The following CUL3 variants were observed in gnomAD, a reference collection of about 807,000 sequenced individuals.
The protein encoded by CUL3 is cullin 3, also known as cullin-3.
A neutral mutation model predicts 89.1 loss-of-function variants in CUL3; 19 were observed. That is an observed-to-expected ratio of 0.21 (90% CI 0.15 to 0.31). The LOEUF is 0.31. CUL3 is among the 10% of genes least tolerant of loss of function. The pLI is 1.00. For missense variants in CUL3, 469 were observed against 942.3 expected (o/e 0.50, Z 6.58); for synonymous variants, 351 against 308.4 (o/e 1.14, Z -1.45).
At chr2:224,566,893 G>T (rs1695052393) in intron 1 of CUL3, among the ~76,000 whole-genome samples, 1 of 152,184 alleles carries the variant, frequency 6.6e-6, no homozygotes, top group Non-Finnish European at 1.5e-5. Context: ...CACAGGTGTA[G>T]CGATGGCTTC....
At chr2:224,527,261 A>G (rs1268139707) in intron 3 of CUL3, among the ~76,000 whole-genome samples, 1 of 152,246 alleles carries the variant, frequency 6.6e-6, no homozygotes, top group Non-Finnish European at 1.5e-5. Flanking sequence ...CTTTTCCAGA[A>G]TATAGTTATT....
intron 15 of CUL3, among the ~76,000 whole-genome samples, chr2:224,475,357 T>C (rs936395839): frequency 1.3e-5 from 2 of 152,178 alleles, no homozygotes; most frequent in African/African-American, 4.8e-5. Flanking sequence ...TTGTCTCATT[T>C]TACAAACGAG....
At chr2:224,505,446 G>A (rs1692562626) in intron 8 of CUL3, among the ~76,000 whole-genome samples, 2 of 151,852 alleles carry the variant, frequency 1.3e-5, no homozygotes, top group African/African-American at 4.8e-5. Context: ...CAGTTGTTCA[G>A]TTTTTTTGAG....
At position 224,513,788 on chromosome 2, in the gene CUL3, A is replaced by C. The variant is rs563488988; in HGVS notation, c.540-150T>G. The C allele has an allele frequency of 7.9e-4, 445 of 566,298 alleles. 4 individuals are homozygous for C. Among genetic ancestry groups the C allele is most frequent in the African/African-American group, 6.0e-3 (311 of 51,598 alleles). 35.1% of individuals were successfully genotyped at this position (566,298 alleles called of 1,614,324 possible). ...CAATAGGCCACTCATGTAAAACGAA[A>C]GGATTTAGCCTAATTTTAAGTTGGA... On this transcript the variant is annotated intron_variant, in intron 4 of 15. Transcript: ENST00000264414.
intron 2 of CUL3, among the ~76,000 whole-genome samples, chr2:224,553,044 T>C (rs1453696466): frequency 1.3e-5 from 2 of 152,214 alleles, no homozygotes; most frequent in Admixed American, 6.5e-5. Flanking sequence ...CTAAGTCTCA[T>C]TTAGTAGAAC....
At chr2:224,531,947 G>T (rs961454427) in intron 3 of CUL3, among the ~76,000 whole-genome samples, 1 of 152,128 alleles carries the variant, frequency 6.6e-6, no homozygotes, top group Admixed American at 6.5e-5. Context: ...AAATGAAGGT[G>T]GTTTGATGTT....
intron 1 of CUL3, among the ~76,000 whole-genome samples, chr2:224,570,719 G>A (rs1249790479): frequency 2.0e-5 from 3 of 152,144 alleles, no homozygotes; most frequent in South Asian, 2.1e-4. Flanking sequence ...CAACCTGATC[G>A]ACATTCAATT....
chr2:224,552,679 T>A lies in CUL3; in HGVS notation c.264+4980A>T, dbSNP rs550748003. On this transcript the variant is annotated intron_variant, in intron 2 of 15. Transcript: ENST00000264414. ...AACAAACTATATAACAAACCAGCCC[T>A]CAATCCATGTAAAAATTATATTTCC... 5.3e-5 allele frequency among the ~76,000 whole-genome samples: 8 copies of A among 152,286 alleles called. No homozygotes were observed. In the East Asian group the frequency reaches 1.5e-3, roughly 29 times the overall value.
At position 224,473,810 on chromosome 2, in the gene CUL3, C is replaced by T. The variant is rs1439497222; in HGVS notation, c.*435G>A. 5.0e-6 allele frequency: 1 copy of T among 198,224 alleles called. No individual in the cohort carries two copies. The highest frequency in any genetic ancestry group is 1.0e-5 in the Non-Finnish European group (1 of 95,648). 12.3% of individuals were successfully genotyped at this position (198,224 alleles called of 1,614,324 possible). A position where few individuals can be genotyped will look rare whatever the true frequency, so the allele number is the denominator to read the frequency against. ...CAGAGCAAGATAACTGGGAAATCTGCATTTCTTTTGCCATTTTTGTTACCC... is the reference window on the plus strand; with the variant it reads ...CAGAGCAAGATAACTGGGAAATCTGTATTTCTTTTGCCATTTTTGTTACCC... On this transcript the variant is annotated 3_prime_UTR_variant, in exon 16 of 16. Coordinates refer to ENST00000264414, the MANE Select transcript of CUL3 (RefSeq NM_003590.5).
rs908149736 is a variant in CUL3, at chr2:224,576,712, A to G, written c.66+8232T>C. Among the ~76,000 whole-genome samples the G allele has an allele frequency of 1.7e-4, 25 of 149,610 alleles. No homozygotes were observed. In the South Asian group the frequency reaches 4.5e-3, roughly 27 times the overall value. ...AGGGGGGGGGGGGAGGAGAAGGAGGAGAAAGGGAGGAAAGGAAGGAAAAAA... is the reference window on the plus strand; with the variant it reads ...AGGGGGGGGGGGGAGGAGAAGGAGGGGAAAGGGAGGAAAGGAAGGAAAAAA... On this transcript the variant is annotated intron_variant, in intron 1 of 15. Transcript: ENST00000264414.
At chr2:224,584,327 G>C (rs916461437) in intron 1 of CUL3, among the ~76,000 whole-genome samples, 3 of 152,102 alleles carry the variant, frequency 2.0e-5, no homozygotes, top group Non-Finnish European at 4.4e-5. Context: ...TCCTGCACAA[G>C]AGTTTGTAAA....
At chr2:224,511,624 A>T (rs1553523003) in intron 5 of CUL3, 42 bp from the exon 6 acceptor site, 2 of 1,201,798 alleles carry the variant, frequency 1.7e-6, no homozygotes, top group South Asian at 3.0e-5. Flanking sequence ...CATAGAAGAA[A>T]AGAGTGTTTT....
intron 13 of CUL3, among the ~76,000 whole-genome samples, chr2:224,492,712 C>G (rs1014357425): frequency 6.6e-6 from 1 of 152,138 alleles, no homozygotes; most frequent in Non-Finnish European, 1.5e-5. Flanking sequence ...CAAATTAATG[C>G]CACCTGTTGT....
intron 1 of CUL3, among the ~76,000 whole-genome samples, chr2:224,572,705 G>C (rs1695209954): frequency 6.6e-6 from 1 of 151,738 alleles, no homozygotes; most frequent in Non-Finnish European, 1.5e-5. Flanking sequence ...CTTGTGAATG[G>C]GATTAGGTGG....
At chr2:224,492,218 T>C (rs1359760512) in intron 13 of CUL3, among the ~76,000 whole-genome samples, 1 of 152,220 alleles carries the variant, frequency 6.6e-6, no homozygotes. Context: ...TTGCTAATTG[T>C]GTTATTCAAA....
intron 2 of CUL3, among the ~76,000 whole-genome samples, chr2:224,554,826 C>T (rs922928038): frequency 6.6e-6 from 1 of 152,200 alleles, no homozygotes; most frequent in African/African-American, 2.4e-5. Flanking sequence ...CCCATACTCT[C>T]TATATCCAAT....
At chr2:224,540,749 G>A (rs1694073303) in intron 2 of CUL3, among the ~76,000 whole-genome samples, 1 of 152,062 alleles carries the variant, frequency 6.6e-6, no homozygotes, top group African/African-American at 2.4e-5. Flanking sequence ...TGTTACATAG[G>A]TATATGTGTG....
intron 3 of CUL3, among the ~76,000 whole-genome samples, chr2:224,523,406 A>G (rs1389864535): frequency 6.6e-6 from 1 of 152,086 alleles, no homozygotes; most frequent in African/African-American, 2.4e-5. Context: ...AAAACACAAA[A>G]CACAAAATAA....
Position 224,585,352 on chromosome 2 carries a change from A to C in CUL3, c.-343T>G, listed in dbSNP as rs1695562053. ...GACAAACATCTCACTGCGCAGGCCG[A>C]ACGTCGTCCTCCTCCTCCTCCTTCT... On this transcript the variant is annotated 5_prime_UTR_variant, in exon 1 of 16. Coordinates refer to ENST00000264414, the MANE Select transcript of CUL3 (RefSeq NM_003590.5). The C allele has an allele frequency of 2.5e-6, 1 of 400,944 alleles. No homozygotes were observed. Among genetic ancestry groups the C allele is most frequent in the Non-Finnish European group, 4.4e-6 (1 of 228,238 alleles). The allele number at this position is 400,944 out of a possible 1,614,324, so 24.8% of individuals were successfully genotyped here.
Sources: gnomAD v4.1 joint callset for allele counts (sites outside exome capture counted in the v4.1 genomes callset) on GRCh38, gnomAD v4.1.1 for gene constraint, MANE v1.5 for transcripts, NCBI Gene and HGNC (gene_info 2026-07-23, HGNC 2026-07-21) for gene names.